QKI: variants seen among roughly 807,000 people sequenced by gnomAD.
QKI encodes the protein QKI, KH domain containing RNA binding.
Under a neutral mutation model 39.0 loss-of-function variants are expected in QKI, and 10 were observed. That is an observed-to-expected ratio of 0.26 (90% CI 0.16 to 0.43). QKI has a LOEUF of 0.43. QKI is among the 20% of genes least tolerant of loss of function. QKI has a pLI of 1.00. For synonymous variants in QKI, 204 were observed against 155.4 expected (o/e 1.31, Z -2.33); for missense variants, 218 against 428.0 (o/e 0.51, Z 4.33).
At chr6:163,503,196 G>A (rs1302103139) in intron 3 of QKI, among the ~76,000 whole-genome samples, 3 of 137,718 alleles carry the variant, frequency 2.2e-5, no homozygotes, top group African/African-American at 5.5e-5. Context: ...AGATGAGGCT[G>A]GTCTCAAACT....
intron 3 of QKI, among the ~76,000 whole-genome samples, chr6:163,520,546 A>G (rs369136133): frequency 6.6e-6 from 1 of 152,250 alleles, no homozygotes; most frequent in African/African-American, 2.4e-5. Context: ...AGGTGGTACG[A>G]GATTGTCCTA....
intron 3 of QKI, among the ~76,000 whole-genome samples, chr6:163,481,269 A>G (rs1003537570): frequency 6.6e-6 from 1 of 152,188 alleles, no homozygotes; most frequent in African/African-American, 2.4e-5. Context: ...GCGTATATAT[A>G]TAATGTGTAT....
intron 3 of QKI, among the ~76,000 whole-genome samples, chr6:163,481,355 G>A (rs769865045): frequency 6.6e-6 from 1 of 151,924 alleles, no homozygotes; most frequent in South Asian, 2.1e-4. Context: ...GTGTGTGCTG[G>A]TCTGAATCCT....
chr6:163,477,653 T>C (rs1383439538), intron 2 of QKI, among the ~76,000 whole-genome samples: 2 of 152,124 alleles, frequency 1.3e-5, no homozygotes, highest in African/African-American at 4.8e-5. Context: ...AGTCTGTGAG[T>C]CTCAACAGAG....
At chr6:163,520,129 T>G (rs1411980016) in intron 3 of QKI, among the ~76,000 whole-genome samples, 1 of 152,150 alleles carries the variant, frequency 6.6e-6, no homozygotes, top group Admixed American at 6.5e-5. Context: ...AATTTCAATT[T>G]AGCACCATGT....
chr6:163,470,043 C>CTG (rs768185158), intron 2 of QKI, among the ~76,000 whole-genome samples: 5 of 152,130 alleles, frequency 3.3e-5, no homozygotes, highest in Non-Finnish European at 7.3e-5. Context: ...AAAAAAATAA[C>CTG]TGAACACATC....
At position 163,414,770 on chromosome 6, in the gene QKI, G is replaced by C. The variant is rs1420956805; in HGVS notation, c.-424G>C. The C allele has an allele frequency of 6.8e-6, 1 of 147,790 alleles. No homozygotes were observed. The highest frequency in any genetic ancestry group is 2.4e-5 in the African/African-American group (1 of 40,876). The allele number at this position is 147,790 out of a possible 1,614,324, so 9.2% of individuals were successfully genotyped here. ...AGGCGCCGCGGCGGGGACCAGCCCA[G>C]AGAGACCCCCCGAGCCCGCGGCACA... On this transcript the variant is annotated 5_prime_UTR_variant, in exon 1 of 8. Transcript: ENST00000361752.
chr6:163,418,001 A>G, intron 1 of QKI, among the ~76,000 whole-genome samples: 1 of 151,772 alleles, frequency 6.6e-6, no homozygotes. Context: ...GGATGATTTA[A>G]TTGTGAAATT....
intron 2 of QKI, among the ~76,000 whole-genome samples, chr6:163,469,824 C>T (rs924592602): frequency 3.3e-5 from 5 of 152,006 alleles, no homozygotes; most frequent in Admixed American, 6.6e-5. Context: ...AACATAAGGC[C>T]AGGCATGTTG....
At chr6:163,539,407 T>C (rs1001450987) in intron 4 of QKI, among the ~76,000 whole-genome samples, 1 of 152,188 alleles carries the variant, frequency 6.6e-6, no homozygotes, top group African/African-American at 2.4e-5. Flanking sequence ...TTTTTCCCTC[T>C]TCAAGATTTT....
intron 3 of QKI, among the ~76,000 whole-genome samples, chr6:163,487,085 G>A (rs946914208): frequency 6.6e-6 from 1 of 152,150 alleles, no homozygotes; most frequent in Non-Finnish European, 1.5e-5. Flanking sequence ...TTGGCAATTG[G>A]TGGCATGACA....
chr6:163,545,308 C>T (rs1781799042), intron 4 of QKI, among the ~76,000 whole-genome samples: 7 of 152,058 alleles, frequency 4.6e-5, no homozygotes, highest in Non-Finnish European at 1.5e-5. Context: ...GTGGCTTATT[C>T]TGCATTAGGA....
chr6:163,508,852 T>G (rs1015978699), intron 3 of QKI, among the ~76,000 whole-genome samples: 2 of 151,676 alleles, frequency 1.3e-5, no homozygotes, highest in Admixed American at 1.3e-4. Context: ...TAAAGATATT[T>G]TACTGGCCGG....
chr6:163,477,994 C>G (rs1184541847), intron 2 of QKI, among the ~76,000 whole-genome samples: 4 of 152,122 alleles, frequency 2.6e-5, no homozygotes. Flanking sequence ...ATAGCAAACT[C>G]TTATATTTTG....
At chr6:163,557,741 A>G (rs1164056404) in intron 4 of QKI, among the ~76,000 whole-genome samples, 1 of 152,298 alleles carries the variant, frequency 6.6e-6, no homozygotes, top group East Asian at 1.9e-4. Flanking sequence ...GATGTGATTA[A>G]TATGCATTAT....
intron 5 of QKI, 39 bp from the exon 6 acceptor site, chr6:163,563,381 G>A (rs971345454): frequency 6.6e-7 from 1 of 1,509,292 alleles, no homozygotes; most frequent in Non-Finnish European, 8.9e-7. Flanking sequence ...TTATACTGCT[G>A]TCTCTATACT....
intron 5 of QKI, 109 bp from the exon 6 acceptor site, chr6:163,563,311 A>T (rs1185296923): frequency 1.9e-6 from 2 of 1,070,232 alleles, no homozygotes; most frequent in Non-Finnish European, 2.6e-6. Flanking sequence ...ATTTCCTTTT[A>T]TTTTTCTTCT....
At chr6:163,516,320 A>C (rs1357854184) in intron 3 of QKI, among the ~76,000 whole-genome samples, 1 of 152,080 alleles carries the variant, frequency 6.6e-6, no homozygotes, top group Non-Finnish European at 1.5e-5. Context: ...TTTGAGACGG[A>C]GTCTGGCTCT....
Position 163,476,182 on chromosome 6 carries a change from T to G in QKI, c.286-2598T>G, listed in dbSNP as rs1362982041. ...ATATAAAAACACTGATAATAAATAT[T>G]GGAGAGGAAGTGGATCAAAATAAAT... On this transcript the variant is annotated intron_variant, in intron 2 of 7. Transcript: ENST00000361752. Among the ~76,000 whole-genome samples the G allele has an allele frequency of 2.6e-5, 4 of 152,002 alleles. No homozygotes were observed. The South Asian group carries it at 6.2e-4, about 24-fold the overall frequency.
Sources: gnomAD v4.1 joint callset for allele counts (sites outside exome capture counted in the v4.1 genomes callset) on GRCh38, gnomAD v4.1.1 for gene constraint, MANE v1.5 for transcripts, NCBI Gene and HGNC (gene_info 2026-07-23, HGNC 2026-07-21) for gene names.